The following SUN1 variants were observed in gnomAD, a reference collection of about 807,000 sequenced individuals.
The protein encoded by SUN1 is Sad1 and UNC84 domain containing 1.
In SUN1, 61 loss-of-function variants were observed where a neutral mutation model predicts 103.2. The observed-to-expected ratio is 0.59, with a 90% CI of 0.48 to 0.73. The LOEUF (loss-of-function observed/expected upper bound fraction) is 0.73. Among genes scored for constraint, SUN1 ranks in the 30% least tolerant of loss-of-function variants. The pLI, the probability that SUN1 is intolerant of heterozygous loss-of-function variation, is 0.00. For missense variants in SUN1, 1,052 were observed against 1,034.6 expected, an observed-to-expected ratio of 1.02 and a Z score of -0.23; for synonymous variants, 490 against 425.7, an observed-to-expected ratio of 1.15 and a Z score of -1.86.
chr7:837,450 A>G lies in SUN1; in HGVS notation c.78-1348A>G, dbSNP rs1172335844. 2.6e-5 allele frequency among the ~76,000 whole-genome samples: 4 copies of G among 151,264 alleles called. No individual in the cohort carries two copies. In the East Asian group the frequency reaches 5.8e-4, roughly 22 times the overall value. On this transcript the variant is annotated intron_variant, in intron 1 of 18. Transcript: ENST00000401592. ...TTTCAATTGGAGTCAATTTTTTTCA[A>G]TCTTTTGATACAAAGTACATCTAAA...
intron 5 of SUN1, among the ~76,000 whole-genome samples, chr7:844,586 G>C (rs1406504066): frequency 6.6e-6 from 1 of 152,222 alleles, no homozygotes; most frequent in East Asian, 1.9e-4. Flanking sequence ...GACACTGCTA[G>C]TGTTAATACA....
At chr7:846,651 G>A (rs1379379888) in intron 5 of SUN1, among the ~76,000 whole-genome samples, 1 of 152,138 alleles carries the variant, frequency 6.6e-6, no homozygotes, top group Non-Finnish European at 1.5e-5. Context: ...GGAGGTGGGA[G>A]GATCACATGA....
Position 865,997 on chromosome 7 carries a change from A to G in SUN1, c.1910A>G (p.Lys637Arg). The G allele has an allele frequency of 6.2e-7, 1 of 1,614,100 alleles. No individual in the cohort carries two copies. Among genetic ancestry groups the G allele is most frequent in the African/African-American group, 1.3e-5 (1 of 75,024 alleles). ...CGCTGTTCTGAAACTTACGAAACCA[A>G]AACGGCGCTGATGAGTCTGTTTGGG... The part of the protein sequence containing the change: ...STRCSETYET[K>R]TALMSLFGIP... The change falls in exon 16 of 19, where the codon AAA becomes AGA. Residue 637 changes from lysine to arginine, a missense_variant. Transcript: ENST00000401592.
intron 3 of SUN1, 44 bp from the exon 4 acceptor site, chr7:843,162 G>C (rs1811798362): frequency 1.3e-6 from 2 of 1,597,448 alleles, no homozygotes; most frequent in African/African-American, 2.7e-5. Flanking sequence ...GATAAGCTGA[G>C]CTCAACAGCA....
chr7:851,601 G>T, intron 6 of SUN1, 119 bp downstream of exon 6: 4 of 878,260 alleles, frequency 4.6e-6, no homozygotes, highest in East Asian at 2.7e-5. Flanking sequence ...TTGACCCTTG[G>T]CGTAACGTGT....
intron 5 of SUN1, among the ~76,000 whole-genome samples, chr7:845,851 A>G (rs573556537): frequency 1.6e-4 from 24 of 152,182 alleles, no homozygotes; most frequent in Admixed American, 3.9e-4. Flanking sequence ...TTCAGATAAC[A>G]TGAAATGAAC....
chr7:828,309 T>TCA, upstream of SUN1, among the ~76,000 whole-genome samples: 1 of 152,060 alleles, frequency 6.6e-6, no homozygotes, highest in East Asian at 1.9e-4. Context: ...TCTCACTCTG[T>TCA]CACCCAGGCT....
intron 1 of SUN1, among the ~76,000 whole-genome samples, chr7:823,423 C>G (rs1203083957): frequency 6.6e-6 from 1 of 152,034 alleles, no homozygotes; most frequent in East Asian, 1.9e-4. Context: ...TGGGGTGTAA[C>G]TAGACCAAGG....
At chr7:824,381 A>C (rs1583878691) in intron 1 of SUN1, among the ~76,000 whole-genome samples, 2 of 152,184 alleles carry the variant, frequency 1.3e-5, no homozygotes, top group South Asian at 2.1e-4. Context: ...GCTGCAGATG[A>C]GTTCTCCAGG....
chr7:848,678 G>A (rs1818915795), intron 5 of SUN1: 1 of 1,199,404 alleles, frequency 8.3e-7, no homozygotes, highest in Non-Finnish European at 1.1e-6. Flanking sequence ...AGAAAGTGCT[G>A]TGACTTTCCT....
intron 5 of SUN1, among the ~76,000 whole-genome samples, chr7:844,409 T>C (rs1813152056): frequency 6.6e-6 from 1 of 152,244 alleles, no homozygotes; most frequent in South Asian, 2.1e-4. Context: ...ACTCCGAGCC[T>C]GGCATTGCCC....
At position 842,084 on chromosome 7, in the gene SUN1, G is replaced by T. The variant is rs1247633679; in HGVS notation, c.405G>T (p.Leu135Phe). 6.2e-7 allele frequency: 1 copy of T among 1,614,234 alleles called. No homozygotes were observed. The highest frequency in any genetic ancestry group is 8.5e-7 in the Non-Finnish European group (1 of 1,180,044). Residue 135 changes from leucine to phenylalanine, a missense_variant, in exon 3 of 19, where the codon TTG (leucine) becomes TTT (phenylalanine). Around this residue, in one of 2 missense-constraint regions of SUN1, gnomAD observed 846 missense variants for 774.5 expected, o/e 1.09. Coordinates refer to ENST00000401592, the MANE Select transcript of SUN1 (RefSeq NM_001130965.3). Reference protein sequence around the residue: ...QDAVTRRPPVLDESWIREQTT... With the variant: ...QDAVTRRPPVFDESWIREQTT... ...CTGTGACTCGACGGCCTCCTGTATT[G>T]GACGAGTCTTGGATTCGTGAACAGA...
At chr7:868,507 G>C (rs1219641974) in intron 16 of SUN1, 2 of 304,970 alleles carry the variant, frequency 6.6e-6, no homozygotes, top group African/African-American at 4.6e-5. Context: ...GGGCAGTGCT[G>C]GTTCCCTGTG....
In SUN1 at chr7:843,461, C is replaced by T. The variant is rs368907584; in HGVS notation, c.599C>T (p.Ala200Val). ...TCCGAGCGCAAGGACGTGCTCACGG[C>T]GCACCCCGCGGCCCCCGGGCCCGTG... ...MLSERKDVLT[A>V]HPAAPGPVSR... Residue 200 changes from alanine (A) to valine (V), a missense_variant, in exon 5 of 19, where the codon GCG (alanine) becomes GTG (valine). Transcript: ENST00000401592. 44 of 1,614,108 alleles carry T rather than the reference C, an allele frequency of 2.7e-5. No individual in the cohort carries two copies. In the African/African-American group the frequency reaches 3.6e-4, roughly 13 times the overall value.
chr7:816,544 C>T, upstream of SUN1: 1 of 371,126 alleles, frequency 2.7e-6, no homozygotes, highest in South Asian at 1.8e-5. Flanking sequence ...GTGGCGCGCT[C>T]GGGACTGGTG....
chr7:862,036 C>T (rs578087498), intron 15 of SUN1, among the ~76,000 whole-genome samples: 3 of 152,342 alleles, frequency 2.0e-5, no homozygotes, highest in African/African-American at 7.2e-5. Context: ...ACAGCCCACT[C>T]CGTGGTGAGT....
At chr7:848,530 T>C in intron 5 of SUN1, 8 of 1,362,740 alleles carry the variant, frequency 5.9e-6, no homozygotes, top group South Asian at 3.5e-5. Context: ...AGCTCAGTTA[T>C]GAATCAGAAA....
chr7:842,375 G>A, intron 3 of SUN1: 1 of 528,426 alleles, frequency 1.9e-6, no homozygotes, highest in Non-Finnish European at 3.4e-6. Context: ...CGCCTTGTCG[G>A]GTGGTCATTG....
intron 1 of SUN1, 92 bp downstream of exon 1, chr7:832,693 C>G: frequency 2.2e-6 from 2 of 920,416 alleles, no homozygotes; most frequent in Non-Finnish European, 3.5e-6. Flanking sequence ...CATAGTACTA[C>G]CGACTACATG....
Sources: allele counts gnomAD v4.1 joint callset (sites outside exome capture counted in the v4.1 genomes callset), GRCh38; gene constraint gnomAD v4.1.1; regional missense constraint gnomAD v4.1.1; transcripts MANE v1.5; gene names NCBI Gene and HGNC (gene_info 2026-07-23, HGNC 2026-07-21).